The following GAREM1 variants were observed in gnomAD, a reference collection of about 807,000 sequenced individuals.
GAREM1 encodes GRB2 associated regulator of MAPK1 subtype 1.
A neutral mutation model predicts 71.3 loss-of-function variants in GAREM1; 26 were observed. The observed-to-expected ratio is 0.36, with a 90% CI of 0.27 to 0.51. GAREM1 has a LOEUF of 0.51. GAREM1 is among the 20% of genes least tolerant of loss of function. The probability of loss-of-function intolerance (pLI) is 0.95; values close to 1 mark genes in which losing one functional copy is unlikely to be tolerated. For synonymous variants in GAREM1, 440 were observed against 433.2 expected, an observed-to-expected ratio of 1.02 and a Z score of -0.20; for missense variants, 1,026 against 1,103.1, an observed-to-expected ratio of 0.93 and a Z score of 0.99.
At chr18:32,383,488 T>A (rs956908001) in intron 2 of GAREM1, among the ~76,000 whole-genome samples, 14 of 152,126 alleles carry the variant, frequency 9.2e-5, no homozygotes, top group African/African-American at 3.4e-4. Context: ...TAGAAAAAGC[T>A]CAAAGAAATT....
chr18:32,270,580 A>T (rs1347893557), intron 4 of GAREM1, among the ~76,000 whole-genome samples, 197 bp from the exon 5 acceptor site: 1 of 152,196 alleles, frequency 6.6e-6, no homozygotes, highest in Non-Finnish European at 1.5e-5. Flanking sequence ...CGCCTGTCAC[A>T]CACTTGCTGG....
chr18:32,288,225 T>G, intron 3 of GAREM1, 22 bp from the exon 4 acceptor site: 1 of 1,538,240 alleles, frequency 6.5e-7, no homozygotes, highest in Non-Finnish European at 8.8e-7. Context: ...TAAATCACAT[T>G]TTACGTTCAT....
intron 1 of GAREM1, among the ~76,000 whole-genome samples, chr18:32,419,842 T>A (rs1431481793): frequency 6.6e-6 from 1 of 152,204 alleles, no homozygotes; most frequent in Non-Finnish European, 1.5e-5. Flanking sequence ...AAGAGAATGA[T>A]GGGTCAAGTG....
intron 1 of GAREM1, among the ~76,000 whole-genome samples, chr18:32,402,407 G>C (rs149230852): frequency 3.1e-3 from 468 of 152,004 alleles, no homozygotes; most frequent in African/African-American, 0.011. Context: ...TTCAAAGTTA[G>C]TCTGCTTAAA....
At chr18:32,343,238 GGGT>G (rs2047663473) in intron 2 of GAREM1, among the ~76,000 whole-genome samples, 1 of 151,710 alleles carries the variant, frequency 6.6e-6, no homozygotes, top group Non-Finnish European at 1.5e-5. Flanking sequence ...ACTGGAAAGC[GGGT>G]GGAGAAAAAG....
At chr18:32,305,955 T>C (rs59340191) in intron 3 of GAREM1, among the ~76,000 whole-genome samples, 8,003 of 152,272 alleles carry the variant, frequency 0.053, 221 homozygotes, top group South Asian at 0.065. Context: ...TGGTCTACTC[T>C]ATACCTGCAT....
rs889685511 is a variant in GAREM1, at chr18:32,470,702, GGCGGCGGCCCGGGTGGCT to G, written c.-292_-275del. 8.7e-4 allele frequency among the ~76,000 whole-genome samples: 130 copies of G among 149,898 alleles called. 4 individuals are homozygous for G. Among genetic ancestry groups the G allele is most frequent in the Middle Eastern group, 6.9e-3 (2 of 290 alleles). ...GAGCAGCCGCGCGGCTGCGGGCGGC[GGCGGCGGCCCGGGTGGCT>G]GCGGCGGCTCCCGCTCCGCCTCCTC... is the stretch of plus-strand genomic sequence containing the variant. On this transcript the variant is annotated 5_prime_UTR_variant, in exon 1 of 6. Coordinates refer to ENST00000269209, the MANE Select transcript of GAREM1 (RefSeq NM_001242409.2). This position sits in a 1 kb window ranked among gnomAD's most constrained non-coding sequence, Gnocchi z 4.4.
chr18:32,385,623 T>A (rs1053601397), intron 2 of GAREM1, among the ~76,000 whole-genome samples: 5 of 152,156 alleles, frequency 3.3e-5, no homozygotes, highest in Admixed American at 3.3e-4. Context: ...AGGGAGCTAC[T>A]GTGAAAGGAA....
At chr18:32,276,496 G>A (rs1221416310) in intron 4 of GAREM1, among the ~76,000 whole-genome samples, 6 of 152,202 alleles carry the variant, frequency 3.9e-5, no homozygotes, top group African/African-American at 1.4e-4. Flanking sequence ...AATCTGGTAA[G>A]TGTGATAAGA....
At chr18:32,294,263 C>A (rs1017244713) in intron 3 of GAREM1, among the ~76,000 whole-genome samples, 14 of 152,096 alleles carry the variant, frequency 9.2e-5, no homozygotes, top group African/African-American at 3.4e-4. Flanking sequence ...TCACATGATT[C>A]AGAAAAAGAT....
intron 2 of GAREM1, among the ~76,000 whole-genome samples, chr18:32,343,319 T>G (rs1033218605): frequency 1.3e-5 from 2 of 150,292 alleles, no homozygotes; most frequent in South Asian, 2.1e-4. Context: ...CTGTTTTTTT[T>G]TTTTTTTTTT....
chr18:32,380,393 T>G (rs528616115), intron 2 of GAREM1, among the ~76,000 whole-genome samples: 2 of 150,060 alleles, frequency 1.3e-5, no homozygotes, highest in South Asian at 4.2e-4. Flanking sequence ...GGATAATTGC[T>G]TGAACCAGGG....
chr18:32,387,402 A>T (rs2048159019), intron 2 of GAREM1, among the ~76,000 whole-genome samples: 1 of 152,126 alleles, frequency 6.6e-6, no homozygotes, highest in African/African-American at 2.4e-5. Context: ...ATGCAGAAAA[A>T]ATCTTGAGTT....
At chr18:32,396,771 G>A (rs781716539) in intron 1 of GAREM1, among the ~76,000 whole-genome samples, 5 of 152,094 alleles carry the variant, frequency 3.3e-5, no homozygotes, top group Admixed American at 6.6e-5. Flanking sequence ...ATCTAGCAAG[G>A]CCGGCCAACA....
At chr18:32,308,095 G>C (rs1303851782) in intron 3 of GAREM1, among the ~76,000 whole-genome samples, 1 of 152,088 alleles carries the variant, frequency 6.6e-6, no homozygotes, top group Non-Finnish European at 1.5e-5. Context: ...TAACAGACTA[G>C]AAATATTAAA....
At chr18:32,277,923 TA>T (rs1467410567) in intron 4 of GAREM1, among the ~76,000 whole-genome samples, 2 of 152,246 alleles carry the variant, frequency 1.3e-5, no homozygotes, top group African/African-American at 4.8e-5. Flanking sequence ...TTCTACATAG[TA>T]TCTATGAAAT....
intron 2 of GAREM1, among the ~76,000 whole-genome samples, chr18:32,353,350 C>A (rs1001686311): frequency 6.6e-6 from 1 of 152,178 alleles, no homozygotes; most frequent in South Asian, 2.1e-4. Flanking sequence ...AGCAACAATA[C>A]TTCCATCTGA....
At chr18:32,342,676 A>T (rs971237845) in intron 2 of GAREM1, among the ~76,000 whole-genome samples, 1 of 152,196 alleles carries the variant, frequency 6.6e-6, no homozygotes, top group Non-Finnish European at 1.5e-5. Context: ...CTTCTTGAGG[A>T]CACTCTTTGT....
At chr18:32,419,204 A>G (rs757611793) in intron 1 of GAREM1, among the ~76,000 whole-genome samples, 11 of 152,160 alleles carry the variant, frequency 7.2e-5, no homozygotes, top group Non-Finnish European at 1.3e-4. Context: ...CAGGCTTCAA[A>G]TATCTCTGAC....
Sources: allele counts gnomAD v4.1 joint callset (sites outside exome capture counted in the v4.1 genomes callset), GRCh38; gene constraint gnomAD v4.1.1; non-coding constraint Gnocchi (gnomAD v3.1); transcripts MANE v1.5; gene names NCBI Gene and HGNC (gene_info 2026-07-23, HGNC 2026-07-21).